MADD: variants seen among roughly 807,000 people sequenced by gnomAD.
MADD encodes MAP kinase-activating death domain protein.
In MADD, 109 loss-of-function variants were observed where a neutral mutation model predicts 176.7. That is an observed-to-expected ratio of 0.62 (90% CI 0.53 to 0.72). The LOEUF (loss-of-function observed/expected upper bound fraction) is 0.72. Among genes scored for constraint, MADD ranks in the 30% least tolerant of loss-of-function variants. MADD has a pLI of 0.00. For missense variants in MADD, 1,914 were observed against 2,045.5 expected (o/e 0.94, Z 1.24); for synonymous variants, 771 against 771.3 (o/e 1.00, Z 0.01).
chr11:47,291,703 A>G (rs1238200945), intron 19 of MADD, among the ~76,000 whole-genome samples: 4 of 152,184 alleles, frequency 2.6e-5, no homozygotes, highest in African/African-American at 7.2e-5. Flanking sequence ...CTGACCTGCT[A>G]GTCTGGAGAT....
chr11:47,288,888 A>C, intron 15 of MADD, 80 bp from the exon 16 acceptor site: 1 of 1,022,214 alleles, frequency 9.8e-7, no homozygotes, highest in Non-Finnish European at 1.5e-6. Flanking sequence ...TGCTCAGATT[A>C]TCTGGCTTAC....
At chr11:47,280,454 T>TTC (rs2055357676) in intron 7 of MADD, among the ~76,000 whole-genome samples, 1 of 152,152 alleles carries the variant, frequency 6.6e-6, no homozygotes, top group African/African-American at 2.4e-5. Context: ...GTTCAGAAAG[T>TTC]TCTCTAGCTG....
chr11:47,295,975 G>A, exon 22 of MADD: 1 of 1,614,024 alleles, frequency 6.2e-7, no homozygotes. Flanking sequence ...AGGTGGCGAG[G>A]GCAGTGTTCA....
At chr11:47,274,461 T>G in intron 2 of MADD, 102 bp from the exon 3 acceptor site, 1 of 991,906 alleles carries the variant, frequency 1.0e-6, no homozygotes, top group Non-Finnish European at 1.5e-6. Context: ...TCAGGTTACT[T>G]TATCCAAAAT....
intron 9 of MADD, 50 bp from the exon 10 acceptor site, chr11:47,282,763 G>T (rs769081168): frequency 5.0e-6 from 8 of 1,603,692 alleles, no homozygotes; most frequent in Admixed American, 3.4e-5. Context: ...GGCGTTGCTT[G>T]CCTTTTTTTC....
rs186835591 is a variant in MADD, at chr11:47,308,585, C to G, written c.3643-6C>G. The G allele has an allele frequency of 3.1e-6, 5 of 1,612,464 alleles. No individual in the cohort carries two copies. Among genetic ancestry groups the G allele is most frequent in the African/African-American group, 1.3e-5 (1 of 74,890 alleles). On this transcript the variant is annotated splice_polypyrimidine_tract_variant and splice_region_variant and intron_variant, in intron 22 of 32. Coordinates refer to ENST00000402192, the Ensembl canonical transcript of MADD. ...TGGCCACTGACCTATCACCTCTTCT[C>G]TCTAGGGTAAAGCCCACAGCTTGAA...
chr11:47,281,455 G>A, intron 7 of MADD, 120 bp from the exon 8 acceptor site: 1 of 713,102 alleles, frequency 1.4e-6, no homozygotes, highest in Non-Finnish European at 2.1e-6. Flanking sequence ...CTTTGTTGCA[G>A]AACTTTTTGA....
chr11:47,327,581 A>G, intron 31 of MADD: 1 of 983,596 alleles, frequency 1.0e-6, no homozygotes, highest in Non-Finnish European at 1.2e-6. Flanking sequence ...CTTTCTTCCT[A>G]CCTTGCCTCC....
At chr11:47,297,175 G>C (rs1467507135) in intron 22 of MADD, among the ~76,000 whole-genome samples, 1 of 152,162 alleles carries the variant, frequency 6.6e-6, no homozygotes, top group Non-Finnish European at 1.5e-5. Flanking sequence ...TATACGCATA[G>C]GTCCTTATCT....
chr11:47,320,971 T>C (rs954897638), intron 27 of MADD, among the ~76,000 whole-genome samples: 1 of 152,170 alleles, frequency 6.6e-6, no homozygotes, highest in Non-Finnish European at 1.5e-5. Context: ...CTTGAACATA[T>C]ATTTTTGCAC....
chr11:47,319,503 G>A (rs1010796920), intron 27 of MADD, among the ~76,000 whole-genome samples: 2 of 151,996 alleles, frequency 1.3e-5, no homozygotes, highest in African/African-American at 4.8e-5. Context: ...TGCTGTAAAT[G>A]TTTCAAACCG....
chr11:47,285,167 G>T, exon 13 of MADD: 1 of 1,613,954 alleles, frequency 6.2e-7, no homozygotes, highest in African/African-American at 1.3e-5. Context: ...TACACTCCCC[G>T]ATTCAGCCAA....
intron 30 of MADD, chr11:47,324,780 AG>A (rs1006995751): frequency 1.4e-6 from 1 of 695,674 alleles, no homozygotes; most frequent in African/African-American, 1.8e-5. Flanking sequence ...AAGGTGCACC[AG>A]GGAGCCCGTG....
intron 22 of MADD, among the ~76,000 whole-genome samples, chr11:47,305,561 C>T (rs990191166): frequency 4.6e-5 from 7 of 152,050 alleles, no homozygotes; most frequent in East Asian, 1.9e-4. Context: ...TCAGGTCCCA[C>T]GGAATGAGGC....
At chr11:47,280,668 G>A (rs372915371) in intron 7 of MADD, among the ~76,000 whole-genome samples, 11 of 152,152 alleles carry the variant, frequency 7.2e-5, no homozygotes, top group Admixed American at 4.6e-4. Flanking sequence ...AAGTTCAAGC[G>A]AATCTCTTGC....
exon 21 of MADD, chr11:47,295,542 T>A: frequency 6.2e-7 from 1 of 1,614,124 alleles, no homozygotes; most frequent in Non-Finnish European, 8.5e-7. Context: ...GCTGTTATGA[T>A]CCGCAGCTCA....
exon 31 of MADD, chr11:47,326,772 A>C (rs772455509): frequency 1.2e-6 from 2 of 1,614,002 alleles, no homozygotes; most frequent in Non-Finnish European, 1.7e-6. Flanking sequence ...AAAAAGTGCA[A>C]TACAGTTCGA....
intron 1 of MADD, among the ~76,000 whole-genome samples, chr11:47,273,562 A>G (rs905365601): frequency 6.6e-6 from 1 of 152,030 alleles, no homozygotes; most frequent in Non-Finnish European, 1.5e-5. Context: ...CTGGTCTCAA[A>G]CTCCTGACCT....
intron 22 of MADD, among the ~76,000 whole-genome samples, chr11:47,304,026 T>G (rs1336287108): frequency 6.6e-6 from 1 of 152,200 alleles, no homozygotes; most frequent in African/African-American, 2.4e-5. Context: ...AATAAGTTTT[T>G]TATGCCTTTC....
Sources: gnomAD v4.1 joint callset for allele counts (sites outside exome capture counted in the v4.1 genomes callset) on GRCh38, gnomAD v4.1.1 for gene constraint, MANE v1.5 for transcripts, NCBI Gene and HGNC (gene_info 2026-07-23, HGNC 2026-07-21) for gene names.